Variants in FUT8 observed in about 807,000 individuals in gnomAD.
FUT8 encodes fucosyltransferase 8, also known as alpha-(1,6)-fucosyltransferase.
In FUT8, 29 loss-of-function variants were observed where a neutral mutation model predicts 71.3. The observed-to-expected ratio is 0.41, with a 90% CI of 0.30 to 0.55. The LOEUF (loss-of-function observed/expected upper bound fraction) is 0.55. FUT8 is among the 20% of genes least tolerant of loss of function. FUT8 has a pLI of 0.34. For synonymous variants in FUT8, 254 were observed against 239.3 expected, an observed-to-expected ratio of 1.06 and a Z score of -0.57; for missense variants, 544 against 702.1, an observed-to-expected ratio of 0.77 and a Z score of 2.55.
chr14:65,416,194 A>G (rs1459562172), intron 1 of FUT8, among the ~76,000 whole-genome samples: 1 of 152,216 alleles, frequency 6.6e-6, no homozygotes, highest in African/African-American at 2.4e-5. Context: ...TGATAAATAT[A>G]AAAGAAAGTT....
intron 3 of FUT8, among the ~76,000 whole-genome samples, chr14:65,613,007 T>A (rs1889083344): frequency 1.3e-5 from 2 of 152,078 alleles, no homozygotes; most frequent in Admixed American, 1.3e-4. Flanking sequence ...CTCCTGTATT[T>A]TTTTTTTAGA....
intron 7 of FUT8, among the ~76,000 whole-genome samples, chr14:65,717,322 C>T (rs1297186711): frequency 6.9e-6 from 1 of 144,274 alleles, no homozygotes; most frequent in Non-Finnish European, 1.5e-5. Context: ...AGGCACTCCT[C>T]ACCTCCCAGA....
At chr14:65,524,940 G>A (rs1041736956) in intron 2 of FUT8, among the ~76,000 whole-genome samples, 1 of 152,172 alleles carries the variant, frequency 6.6e-6, no homozygotes, top group Non-Finnish European at 1.5e-5. Context: ...GATCATGGTG[G>A]ATAAGCTTTT....
chr14:65,593,048 A>G (rs756765913), intron 3 of FUT8, among the ~76,000 whole-genome samples: 6 of 152,162 alleles, frequency 3.9e-5, no homozygotes, highest in Non-Finnish European at 7.4e-5. Flanking sequence ...ATTTCTTTCT[A>G]TAATACTAGT....
At chr14:65,428,234 G>T (rs940488817) in intron 1 of FUT8, among the ~76,000 whole-genome samples, 1 of 152,142 alleles carries the variant, frequency 6.6e-6, no homozygotes, top group Non-Finnish European at 1.5e-5. Context: ...GTGTGTGTGT[G>T]TGTCTTTTTC....
intron 2 of FUT8, among the ~76,000 whole-genome samples, chr14:65,488,818 G>A (rs1471404134): frequency 6.6e-6 from 1 of 152,030 alleles, no homozygotes; most frequent in Non-Finnish European, 1.5e-5. Context: ...CCATATTTAG[G>A]ATTATTGGGG....
chr14:65,481,227 T>A (rs2066325931), intron 2 of FUT8, among the ~76,000 whole-genome samples: 1 of 152,212 alleles, frequency 6.6e-6, no homozygotes. Context: ...CATCTTTTCT[T>A]ATGCTTACTG....
At chr14:65,599,092 A>G (rs1317159051) in intron 3 of FUT8, among the ~76,000 whole-genome samples, 1 of 152,164 alleles carries the variant, frequency 6.6e-6, no homozygotes, top group Non-Finnish European at 1.5e-5. Context: ...CCTGGCCCAG[A>G]ACATTTTTTA....
chr14:65,700,381 GTTTTTTTTTTTTTT>G (rs763718984), intron 7 of FUT8, among the ~76,000 whole-genome samples: 34 of 48,882 alleles, frequency 7.0e-4, no homozygotes, highest in Admixed American at 4.3e-3. Context: ...CTTTCTTTCT[GTTTTTTTTTTTTTT>G]TTTTTTTTTT....
chr14:65,642,886 C>T (rs1456984340), intron 6 of FUT8, among the ~76,000 whole-genome samples: 1 of 152,086 alleles, frequency 6.6e-6, no homozygotes, highest in Non-Finnish European at 1.5e-5. Flanking sequence ...TCACCTGGTG[C>T]TTTTTTGTAG....
chr14:65,436,583 C>T (rs1304650862), intron 1 of FUT8, among the ~76,000 whole-genome samples: 2 of 149,324 alleles, frequency 1.3e-5, no homozygotes, highest in Admixed American at 6.7e-5. Context: ...GAGCCAAGAT[C>T]GTGCCACTGC....
At chr14:65,436,834 A>G (rs765431486) in intron 1 of FUT8, among the ~76,000 whole-genome samples, 1 of 152,106 alleles carries the variant, frequency 6.6e-6, no homozygotes, top group Non-Finnish European at 1.5e-5. Context: ...ATCTAGGATT[A>G]TCAGTGATTA....
At chr14:65,663,900 A>G (rs1246740226) in intron 6 of FUT8, among the ~76,000 whole-genome samples, 1 of 152,112 alleles carries the variant, frequency 6.6e-6, no homozygotes, top group African/African-American at 2.4e-5. Flanking sequence ...TTTTAAATAG[A>G]AAATCTATAG....
At chr14:65,426,883 G>T (rs2065396645) in intron 1 of FUT8, among the ~76,000 whole-genome samples, 2 of 152,032 alleles carry the variant, frequency 1.3e-5, no homozygotes, top group Middle Eastern at 3.4e-3. Flanking sequence ...TTTTGAGACG[G>T]AGTCTCTCTT....
chr14:65,485,836 G>T (rs1427072539), intron 2 of FUT8, among the ~76,000 whole-genome samples: 1 of 152,088 alleles, frequency 6.6e-6, no homozygotes, highest in Non-Finnish European at 1.5e-5. Context: ...TCTCTTCCCT[G>T]GGCCTTAGCC....
chr14:65,495,603 T>TA (rs1172393251), intron 2 of FUT8, among the ~76,000 whole-genome samples: 4 of 152,188 alleles, frequency 2.6e-5, no homozygotes, highest in Admixed American at 6.5e-5. Flanking sequence ...TTGTAGGGTT[T>TA]AAAAAACTAA....
upstream of FUT8, chr14:65,411,319 C>G (rs1418034210): frequency 6.6e-6 from 1 of 152,164 alleles, no homozygotes; most frequent in Non-Finnish European, 1.5e-5. Context: ...ATCATAAAAA[C>G]GACTGTAAAG....
At chr14:65,675,814 A>T (rs547315980) in intron 7 of FUT8, among the ~76,000 whole-genome samples, 19 of 148,348 alleles carry the variant, frequency 1.3e-4, no homozygotes, top group African/African-American at 4.7e-4. Context: ...ACATGGTGAA[A>T]CCCCATTTCT....
intron 3 of FUT8, among the ~76,000 whole-genome samples, chr14:65,609,919 G>A (rs1366784633): frequency 6.6e-6 from 1 of 151,678 alleles, no homozygotes; most frequent in Non-Finnish European, 1.5e-5. Context: ...AAATTTATAA[G>A]TCGTGCCCAT....
Sources: gnomAD v4.1 joint callset for allele counts (sites outside exome capture counted in the v4.1 genomes callset) on GRCh38, gnomAD v4.1.1 for gene constraint, MANE v1.5 for transcripts, NCBI Gene and HGNC (gene_info 2026-07-23, HGNC 2026-07-21) for gene names.